Variants in SACS observed in about 807,000 individuals in gnomAD.
The protein encoded by SACS is sacsin molecular chaperone, also known as sacsin.
SACS carries 197 observed loss-of-function variants against 348.0 expected under a neutral mutation model. The observed-to-expected ratio is 0.57, with a 90% CI of 0.50 to 0.64. SACS has a LOEUF of 0.64. Among genes scored for constraint, SACS ranks in the 30% least tolerant of loss-of-function variants. The pLI is 0.00. For missense variants in SACS, 4,999 were observed against 5,360.8 expected (o/e 0.93, Z 2.11); for synonymous variants, 1,985 against 1,910.6 (o/e 1.04, Z -1.02).
intron 2 of SACS, among the ~76,000 whole-genome samples, chr13:23,378,779 G>A (rs114641348): frequency 0.02 from 2,981 of 152,258 alleles, 97 homozygotes; most frequent in African/African-American, 0.067. Context: ...AAGAGAGTGA[G>A]CTGGCTATAG....
At chr13:23,405,907 T>C (rs1344986695) in intron 2 of SACS, among the ~76,000 whole-genome samples, 1 of 152,128 alleles carries the variant, frequency 6.6e-6, no homozygotes, top group East Asian at 1.9e-4. Context: ...GGAGAGGATG[T>C]GGAGAAATAG....
At chr13:23,372,619 C>A (rs1871464884) in intron 3 of SACS, among the ~76,000 whole-genome samples, 1 of 152,222 alleles carries the variant, frequency 6.6e-6, no homozygotes, top group African/African-American at 2.4e-5. Flanking sequence ...ACCTAAGGCA[C>A]CCACCTCTCC....
intron 6 of SACS, among the ~76,000 whole-genome samples, chr13:23,363,564 C>T (rs184553562): frequency 5.3e-5 from 8 of 152,300 alleles, no homozygotes; most frequent in Non-Finnish European, 1.2e-4. Context: ...AAGAGCCTAT[C>T]TCTAAATATA....
At chr13:23,353,193 C>T (rs868017949) in intron 9 of SACS, among the ~76,000 whole-genome samples, 10 of 152,132 alleles carry the variant, frequency 6.6e-5, no homozygotes, top group African/African-American at 2.2e-4. Flanking sequence ...TATCAGACAC[C>T]CATCACTTTA....
chr13:23,387,159 T>C (rs2137884412), intron 2 of SACS, among the ~76,000 whole-genome samples: 1 of 151,922 alleles, frequency 6.6e-6, no homozygotes, highest in South Asian at 2.1e-4. Flanking sequence ...AAACCTTCGA[T>C]TTGTTAAAAA....
At chr13:23,431,061 T>C (rs1874416087) in intron 1 of SACS, among the ~76,000 whole-genome samples, 1 of 152,222 alleles carries the variant, frequency 6.6e-6, no homozygotes, top group Non-Finnish European at 1.5e-5. Context: ...CTACTCTCTC[T>C]TAAGGTTGCA....
chr13:23,412,028 G>A (rs955204353), intron 1 of SACS, among the ~76,000 whole-genome samples: 1 of 152,206 alleles, frequency 6.6e-6, no homozygotes, highest in African/African-American at 2.4e-5. Flanking sequence ...GGGAGGCAGA[G>A]GCGCGCAGGT....
chr13:23,359,315 T>G (rs1870592572), intron 6 of SACS, among the ~76,000 whole-genome samples: 1 of 152,264 alleles, frequency 6.6e-6, no homozygotes, highest in South Asian at 2.1e-4. Flanking sequence ...ACATGTTGTA[T>G]GCCTTAAATA....
At chr13:23,412,719 A>G (rs1873543898) in intron 1 of SACS, among the ~76,000 whole-genome samples, 1 of 151,982 alleles carries the variant, frequency 6.6e-6, no homozygotes, top group East Asian at 1.9e-4. Context: ...CCCGACCCAA[A>G]CCTACAACTT....
chr13:23,334,088 T>C lies in SACS; in HGVS notation c.9788A>G (p.Glu3263Gly), dbSNP rs369713918. Residue 3263 changes from glutamate to glycine, a missense_variant, in exon 10 of 10, where the codon GAA becomes GGA. Transcript: ENST00000382292. ...AACAATGTCAAATGTTGGTTTTGTT[T>C]CTTCCTGATCTTCTTTCACACTTAC... ...ESVSVKEDQE[E>G]TKPTFDIVVD... 3.7e-5 allele frequency: 60 copies of C among 1,613,612 alleles called. No individual in the cohort carries two copies. The highest frequency in any genetic ancestry group is 9.9e-5 in the South Asian group (9 of 91,074).
At chr13:23,401,642 T>C (rs1566103406) in intron 2 of SACS, among the ~76,000 whole-genome samples, 1 of 152,202 alleles carries the variant, frequency 6.6e-6, no homozygotes, top group Admixed American at 6.5e-5. Flanking sequence ...GCCACAGAAA[T>C]AACAAAATTT....
chr13:23,388,510 C>T (rs1055985711), intron 2 of SACS, among the ~76,000 whole-genome samples: 38 of 137,354 alleles, frequency 2.8e-4, no homozygotes, highest in Admixed American at 1.0e-3. Context: ...TATATATATA[C>T]ACACACATAC....
chr13:23,394,998 C>T (rs1231613728), intron 2 of SACS, among the ~76,000 whole-genome samples: 1 of 152,216 alleles, frequency 6.6e-6, no homozygotes, highest in African/African-American at 2.4e-5. Context: ...ATGAGTCCAA[C>T]TCCTAAGCCA....
Position 23,353,017 on chromosome 13 carries a change from A to G in SACS, c.2185+768T>C, listed in dbSNP as rs566496333. ...TCACAGAGTATGCTTGACAATGTGA[A>G]CAGCAGGACAAACCCAGAACTTTTC... On this transcript the variant is annotated intron_variant, in intron 9 of 9. Transcript: ENST00000382292. Among the ~76,000 whole-genome samples the G allele has an allele frequency of 3.5e-3, 476 of 135,270 alleles. 3 individuals are homozygous for G. The highest frequency in any genetic ancestry group is 0.018 in the African/African-American group (449 of 25,556). The allele number at this position is 135,270 out of a possible 152,430, so 88.7% of individuals were successfully genotyped here. A position where few individuals can be genotyped will look rare whatever the true frequency, so the allele number is the denominator to read the frequency against.
intron 2 of SACS, among the ~76,000 whole-genome samples, chr13:23,381,154 T>G (rs1028394551): frequency 2.6e-5 from 4 of 152,174 alleles, no homozygotes; most frequent in Non-Finnish European, 4.4e-5. Flanking sequence ...AACCCAGGGC[T>G]CCACTTGATT....
rs1314347815 is a variant in SACS at position 23,330,634 on chromosome 13, T to A, written c.13242A>T (p.Gln4414His). 1.2e-6 allele frequency: 2 copies of A among 1,614,086 alleles called. No homozygotes were observed. The highest frequency in any genetic ancestry group is 1.7e-6 in the Non-Finnish European group (2 of 1,180,004). The part of the protein sequence containing the change: ...EATSHKSERQ[Q>H]QNKEKCPPSA... ...AAGGGGGGCATTTTTCTTTGTTCTG[T>A]TGCTGTCTTTCAGATTTATGGCTCG... Residue 4414 changes from glutamine (Q) to histidine (H), a missense_variant, in exon 10 of 10, where the codon CAA (glutamine) becomes CAT (histidine). Gln to His is a conservative substitution (Grantham distance 24, BLOSUM62 0). This residue lies in a region of SACS where 254 missense variants were observed against 275.1 expected (regional missense o/e 0.92). Transcript: ENST00000382292.
At chr13:23,396,414 G>A (rs1158520626) in intron 2 of SACS, among the ~76,000 whole-genome samples, 1 of 151,490 alleles carries the variant, frequency 6.6e-6, no homozygotes, top group Non-Finnish European at 1.5e-5. Flanking sequence ...AAGCTCATAT[G>A]ATTTGAGTAA....
chr13:23,348,666 G>C (rs1421877658), intron 9 of SACS, among the ~76,000 whole-genome samples: 1 of 152,224 alleles, frequency 6.6e-6, no homozygotes, highest in East Asian at 1.9e-4. Flanking sequence ...AGGGCAAGAT[G>C]TCAAAGAAAG....
Position 23,334,026 on chromosome 13 carries a change from T to C in SACS, c.9850A>G (p.Thr3284Ala), listed in dbSNP as rs749305080. ...TLKDWALLPG[T>A]KFTVSANQLV... ...TGGTTGGCTGAAACAGTAAACTTTGTTCCTGGAAGCAATGCCCAGTCTTTT... is the reference window on the plus strand; with the variant it reads ...TGGTTGGCTGAAACAGTAAACTTTGCTCCTGGAAGCAATGCCCAGTCTTTT... Residue 3284 changes from threonine (T) to alanine (A), a missense_variant, in exon 10 of 10, where the codon ACA (threonine) becomes GCA (alanine). Physicochemically the swap from Thr to Ala is moderately conservative, Grantham distance 58. Around this residue, in one of 6 missense-constraint regions of SACS, gnomAD observed 734 missense variants for 694.0 expected, o/e 1.06. Transcript: ENST00000382292. 1 of 1,613,786 alleles carries C rather than the reference T, an allele frequency of 6.2e-7. No homozygotes were observed. Among genetic ancestry groups the C allele is most frequent in the African/African-American group, 1.3e-5 (1 of 74,928 alleles).
Sources: gnomAD v4.1 joint callset for allele counts (sites outside exome capture counted in the v4.1 genomes callset) on GRCh38, gnomAD v4.1.1 for gene constraint, gnomAD v4.1.1 regional missense constraint, MANE v1.5 for transcripts, NCBI Gene and HGNC (gene_info 2026-07-23, HGNC 2026-07-21) for gene names.